The following MBD5 variants were observed in gnomAD, a reference collection of about 807,000 sequenced individuals.
MBD5 encodes methyl-CpG-binding domain protein 5.
MBD5 carries 13 observed loss-of-function variants against 117.3 expected under a neutral mutation model. That is an observed-to-expected ratio of 0.11 (90% CI 0.07 to 0.18). MBD5 has a LOEUF of 0.18. MBD5 is among the 10% of genes least tolerant of loss of function. The pLI is 1.00. For synonymous variants in MBD5, 727 were observed against 766.4 expected, an observed-to-expected ratio of 0.95 and a Z score of 0.85; for missense variants, 1,879 against 2,093.8, an observed-to-expected ratio of 0.90 and a Z score of 2.00.
At chr2:148,073,039 C>T (rs574579760) in intron 1 of MBD5, among the ~76,000 whole-genome samples, 6 of 152,224 alleles carry the variant, frequency 3.9e-5, no homozygotes, top group African/African-American at 7.2e-5. Flanking sequence ...TCCACCCCAC[C>T]CCACCACCAT....
At chr2:148,067,851 A>G (rs1442534586) in intron 1 of MBD5, among the ~76,000 whole-genome samples, 2 of 152,232 alleles carry the variant, frequency 1.3e-5, no homozygotes, top group African/African-American at 4.8e-5. Flanking sequence ...CTTTTCCTTC[A>G]GCATGAGAAT....
At chr2:148,189,117 A>T (rs1040820282) in intron 2 of MBD5, among the ~76,000 whole-genome samples, 3 of 144,820 alleles carry the variant, frequency 2.1e-5, no homozygotes, top group East Asian at 4.1e-4. Context: ...CGCCCACGGA[A>T]TCTCGCTGAT....
chr2:148,269,668 G>GTTT (rs11316954), intron 3 of MBD5, among the ~76,000 whole-genome samples: 14 of 125,844 alleles, frequency 1.1e-4, no homozygotes, highest in African/African-American at 1.8e-4. Flanking sequence ...AGTTTTTTTA[G>GTTT]TTTTTTTTTT....
chr2:148,111,735 A>T (rs1465966305), intron 1 of MBD5, among the ~76,000 whole-genome samples: 1 of 152,110 alleles, frequency 6.6e-6, no homozygotes, highest in Non-Finnish European at 1.5e-5. Flanking sequence ...ATTATAGTAT[A>T]TATACAGATA....
intron 1 of MBD5, chr2:148,062,312 A>G (rs887353903): frequency 6.6e-6 from 1 of 151,880 alleles, no homozygotes; most frequent in East Asian, 1.9e-4. Context: ...AAAGTAAAAA[A>G]CTACAAGGTT....
chr2:148,063,380 T>C (rs983583257), intron 1 of MBD5, among the ~76,000 whole-genome samples: 4 of 152,158 alleles, frequency 2.6e-5, no homozygotes, highest in African/African-American at 9.6e-5. Context: ...TGGGGATCGT[T>C]AGGGTTCTTT....
chr2:148,406,940 T>A (rs1705097345), intron 4 of MBD5, among the ~76,000 whole-genome samples: 1 of 152,184 alleles, frequency 6.6e-6, no homozygotes, highest in African/African-American at 2.4e-5. Flanking sequence ...AACCCTTATT[T>A]CTTTCATAAC....
At chr2:148,328,440 C>A (rs2105018358) in intron 3 of MBD5, among the ~76,000 whole-genome samples, 1 of 152,350 alleles carries the variant, frequency 6.6e-6, no homozygotes, top group East Asian at 1.9e-4. Context: ...CTCCCCTAGC[C>A]TCGCTGCTGC....
At chr2:148,359,351 T>C (rs1703469626) in intron 4 of MBD5, among the ~76,000 whole-genome samples, 1 of 152,044 alleles carries the variant, frequency 6.6e-6, no homozygotes, top group Non-Finnish European at 1.5e-5. Flanking sequence ...GTGGTAATGA[T>C]GAATAAAATG....
chr2:148,026,930 A>G (rs537130405), intron 1 of MBD5: 3 of 131,866 alleles, frequency 2.3e-5, no homozygotes, highest in African/African-American at 8.5e-5. Context: ...AAATAAATAA[A>G]CAAATAAAAA....
In MBD5 at chr2:148,490,096, A is replaced by G. The variant is rs2105129699; in HGVS notation, c.4464A>G (p.Pro1488=). ...TACTGTTACCACCAAGAAACTGTCCAGGGGATAAAATTCTAGAGGAAAATT... is the reference window on the plus strand; with the variant it reads ...TACTGTTACCACCAAGAAACTGTCCGGGGGATAAAATTCTAGAGGAAAATT... ...HPILLPPRNC[P]GDKILEENFR... is the part of the protein sequence containing the mutation. The change falls in exon 11 of 14, where the codon CCA becomes CCG. Residue 1488 remains proline (P), a synonymous_variant. Coordinates refer to ENST00000642680, the MANE Select transcript of MBD5 (RefSeq NM_001378120.1). 1 of 1,614,128 alleles carries G rather than the reference A, an allele frequency of 6.2e-7. No individual in the cohort carries two copies. Among genetic ancestry groups the G allele is most frequent in the Non-Finnish European group, 8.5e-7 (1 of 1,180,024 alleles).
chr2:148,161,182 G>A (rs1015125270), intron 1 of MBD5, among the ~76,000 whole-genome samples: 5 of 152,104 alleles, frequency 3.3e-5, no homozygotes, highest in African/African-American at 1.2e-4. Context: ...ACATCAGTGG[G>A]CAATATGTGA....
chr2:148,066,828 A>G (rs1305230052), intron 1 of MBD5, among the ~76,000 whole-genome samples: 1 of 152,162 alleles, frequency 6.6e-6, no homozygotes, highest in African/African-American at 2.4e-5. Flanking sequence ...TCTTCAATGC[A>G]GAATGTACTT....
chr2:148,160,234 C>A (rs1206024030), intron 1 of MBD5, among the ~76,000 whole-genome samples: 1 of 152,138 alleles, frequency 6.6e-6, no homozygotes, highest in Non-Finnish European at 1.5e-5. Flanking sequence ...CCCGTCTCTA[C>A]TAAAAATATA....
At chr2:148,134,972 A>G (rs11895063) in intron 1 of MBD5, among the ~76,000 whole-genome samples, 1,865 of 152,204 alleles carry the variant, frequency 0.012, 41 homozygotes, top group African/African-American at 0.042. Flanking sequence ...AATATCCACA[A>G]TTGTCTTTCT....
At chr2:148,328,765 C>T (rs985107935) in intron 3 of MBD5, among the ~76,000 whole-genome samples, 8 of 152,322 alleles carry the variant, frequency 5.3e-5, no homozygotes, top group African/African-American at 1.9e-4. Context: ...GAGATGAACC[C>T]AGTACCTCAG....
intron 4 of MBD5, among the ~76,000 whole-genome samples, chr2:148,423,096 C>T (rs1166036479): frequency 6.6e-6 from 1 of 152,088 alleles, no homozygotes; most frequent in Non-Finnish European, 1.5e-5. Flanking sequence ...CAAAGATACT[C>T]CTCGAGAAGA....
At chr2:148,041,415 C>T (rs1410581022) in intron 1 of MBD5, 1 of 152,136 alleles carries the variant, frequency 6.6e-6, no homozygotes, top group Admixed American at 6.6e-5. Flanking sequence ...GGAAAGGGGA[C>T]TTCTGACTGG....
chr2:148,044,668 A>G (rs1455953060), intron 1 of MBD5: 2 of 152,178 alleles, frequency 1.3e-5, no homozygotes, highest in Admixed American at 6.5e-5. Flanking sequence ...ATTCATTTGT[A>G]TAATAAAAGT....
Sources: allele counts gnomAD v4.1 joint callset (sites outside exome capture counted in the v4.1 genomes callset), GRCh38; gene constraint gnomAD v4.1.1; transcripts MANE v1.5; gene names NCBI Gene and HGNC (gene_info 2026-07-23, HGNC 2026-07-21).